The following AIDA variants were observed in gnomAD, a reference collection of about 807,000 sequenced individuals.
AIDA encodes the protein axin interactor, dorsalization associated.
AIDA carries 18 observed loss-of-function variants against 42.7 expected under a neutral mutation model. That is an observed-to-expected ratio of 0.42 (90% confidence interval 0.29 to 0.63). The LOEUF is 0.63. AIDA is among the 20% of genes least tolerant of loss of function. The pLI is 0.19. For missense variants in AIDA, 250 were observed against 354.1 expected, an observed-to-expected ratio of 0.71 and a Z score of 2.36; for synonymous variants, 104 against 122.9, an observed-to-expected ratio of 0.85 and a Z score of 1.02.
intron 1 of AIDA, among the ~76,000 whole-genome samples, chr1:222,707,632 C>T (rs1055908554): frequency 3.3e-5 from 5 of 151,912 alleles, no homozygotes; most frequent in African/African-American, 1.2e-4. Flanking sequence ...TGAAATAAAC[C>T]TGTCAAATAT....
At chr1:222,701,799 C>G (rs912651630) in intron 2 of AIDA, among the ~76,000 whole-genome samples, 1 of 152,210 alleles carries the variant, frequency 6.6e-6, no homozygotes, top group Non-Finnish European at 1.5e-5. Context: ...TCTCAGCTCA[C>G]TGCAACCTCT....
chr1:222,676,789 G>A (rs1664551295), intron 6 of AIDA, among the ~76,000 whole-genome samples: 1 of 151,796 alleles, frequency 6.6e-6, no homozygotes, highest in African/African-American at 2.4e-5. Context: ...CCGAGTACCA[G>A]GGACTACAGG....
At position 222,669,629 on chromosome 1, in the gene AIDA, A is replaced by C; in HGVS notation, c.*264T>G. 1 of 350,512 alleles carries C rather than the reference A, an allele frequency of 2.9e-6. No individual in the cohort carries two copies. 21.7% of individuals were successfully genotyped at this position (350,512 alleles called of 1,614,324 possible). On this transcript the variant is annotated 3_prime_UTR_variant, in exon 10 of 10. Transcript: ENST00000340020. ...TAGGAGTAGTGGTAAATTAGAAAAT[A>C]GACTATTAATTGCACAATTAATAGA...
intron 1 of AIDA, among the ~76,000 whole-genome samples, chr1:222,706,242 A>G (rs986643726): frequency 1.3e-5 from 2 of 152,210 alleles, no homozygotes; most frequent in African/African-American, 4.8e-5. Context: ...TGATACACCC[A>G]GTTTGGAGAA....
intron 6 of AIDA, among the ~76,000 whole-genome samples, chr1:222,686,478 T>C (rs376749679): frequency 2.6e-5 from 4 of 152,328 alleles, no homozygotes; most frequent in African/African-American, 9.6e-5. Flanking sequence ...CTAAAGAGCT[T>C]CTCTAGTAGA....
rs376034063 is a variant in AIDA at position 222,703,186 on chromosome 1, C to G, written c.142G>C (p.Ala48Pro). ...GTGAATTCAGAATTATTGTGTTGAG[C>G]TTGGGCCTCCTTTTGTAGATGTCTT... ...LARHLQKEAQ[A>P]QHNNSEFTEE... The change falls in exon 2 of 10, where the codon GCT becomes CCT. Residue 48 changes from alanine to proline, a missense_variant. By Grantham distance (27) the Ala-to-Pro change is conservative. This residue lies in a region of AIDA where 199 missense variants were observed against 232.6 expected (regional missense o/e 0.86). Transcript: ENST00000340020. 1.6e-5 allele frequency: 26 copies of G among 1,609,686 alleles called. No homozygotes were observed. Among genetic ancestry groups the G allele is most frequent in the Non-Finnish European group, 2.0e-5 (24 of 1,178,640 alleles).
At position 222,673,479 on chromosome 1, in the gene AIDA, A is replaced by C. The variant is rs747900573; in HGVS notation, c.584-44T>G. ...TCTCTTTAGGAACATTCAAATATAC[A>C]GACTTAAAAACTGCAGGCCAGGCAC... On this transcript the variant is annotated intron_variant, in intron 7 of 9. Transcript: ENST00000340020. The C allele has an allele frequency of 1.0e-5, 15 of 1,495,318 alleles. 1 individual carries two copies. In the South Asian group the frequency reaches 2.0e-4, roughly 20 times the overall value. 92.6% of individuals were successfully genotyped at this position (1,495,318 alleles called of 1,614,324 possible).
intron 6 of AIDA, among the ~76,000 whole-genome samples, chr1:222,679,070 T>C (rs1664606675): frequency 6.6e-6 from 1 of 152,242 alleles, no homozygotes. Flanking sequence ...TTTACAGTTC[T>C]AGAGGTTATT....
intron 8 of AIDA, among the ~76,000 whole-genome samples, chr1:222,670,522 G>A (rs969210086): frequency 7.2e-5 from 11 of 152,094 alleles, no homozygotes; most frequent in African/African-American, 2.4e-4. Context: ...ATGTATAACA[G>A]TTATGTACAC....
At chr1:222,684,434 T>C (rs1664706662) in intron 6 of AIDA, among the ~76,000 whole-genome samples, 1 of 152,110 alleles carries the variant, frequency 6.6e-6, no homozygotes, top group Non-Finnish European at 1.5e-5. Flanking sequence ...CATATGTAAA[T>C]ATCCTAGTAA....
At chr1:222,693,765 A>T (rs962003488) in intron 4 of AIDA, 24 bp downstream of exon 4, 1 of 1,572,226 alleles carries the variant, frequency 6.4e-7, no homozygotes, top group Admixed American at 1.7e-5. Context: ...GGAGTATCAC[A>T]AAAAAATATA....
At position 222,686,643 on chromosome 1, in the gene AIDA, T is replaced by C. The variant is rs371226989; in HGVS notation, c.460+287A>G. On this transcript the variant is annotated intron_variant, in intron 6 of 9. Coordinates refer to ENST00000340020, the MANE Select transcript of AIDA (RefSeq NM_022831.4). ...TTTCTGTTTGCTGATTTTGTTCTTGTGTTCTCTTGTAATGAATCCTAGCTA... is the reference window on the plus strand; with the variant it reads ...TTTCTGTTTGCTGATTTTGTTCTTGCGTTCTCTTGTAATGAATCCTAGCTA... Among the ~76,000 whole-genome samples the C allele has an allele frequency of 8.5e-5, 13 of 152,272 alleles. No individual in the cohort carries two copies. The East Asian group carries it at 9.7e-4, about 11-fold the overall frequency.
Position 222,694,577 on chromosome 1 carries a change from C to T in AIDA, c.181-314G>A, listed in dbSNP as rs80287576. On this transcript the variant is annotated intron_variant, in intron 2 of 9. Coordinates refer to ENST00000340020, the MANE Select transcript of AIDA (RefSeq NM_022831.4). ...TCTTCTGTTCCAAGCTTCACCTTTT[C>T]TTCTCCATAAAGCCTAAAATTCACC... Among the ~76,000 whole-genome samples, 225 of 152,282 alleles carry T rather than the reference C, an allele frequency of 1.5e-3. 6 individuals are homozygous for T. In the South Asian group the frequency reaches 0.021, roughly 14 times the overall value.
Position 222,702,719 on chromosome 1 carries a change from T to C in AIDA, c.180+429A>G, listed in dbSNP as rs143732199. ...TGTATTTGTTTGTTCTGAGAGAAGG[T>C]AGACAGGAGTTAGGAAAGTTCAGAA... On this transcript the variant is annotated intron_variant, in intron 2 of 9. Coordinates refer to ENST00000340020, the MANE Select transcript of AIDA (RefSeq NM_022831.4). Among the ~76,000 whole-genome samples the C allele has an allele frequency of 3.2e-3, 486 of 152,358 alleles. 5 individuals are homozygous for C. The highest frequency in any genetic ancestry group is 0.023 in the East Asian group (117 of 5,192).
In AIDA at chr1:222,703,187, T is replaced by C; in HGVS notation, c.141A>G (p.Gln47=). The stretch of plus-strand genomic sequence containing the variant: ...TGAATTCAGAATTATTGTGTTGAGC[T>C]TGGGCCTCCTTTTGTAGATGTCTTG... The part of the protein sequence containing the change: ...ILARHLQKEA[Q]AQHNNSEFTE... The change falls in exon 2 of 10, where the codon CAA becomes CAG. Residue 47 remains glutamine (Q), a synonymous_variant. Transcript: ENST00000340020. 6.2e-7 allele frequency: 1 copy of C among 1,610,560 alleles called. No homozygotes were observed. Among genetic ancestry groups the C allele is most frequent in the South Asian group, 1.1e-5 (1 of 90,004 alleles).
intron 1 of AIDA, among the ~76,000 whole-genome samples, chr1:222,707,016 G>C (rs1655856718): frequency 6.6e-6 from 1 of 152,110 alleles, no homozygotes. Context: ...TAGGTGTCTT[G>C]TGGGGGTGAT....
intron 4 of AIDA, among the ~76,000 whole-genome samples, chr1:222,689,520 T>TATATAA: frequency 1.7e-5 from 1 of 58,112 alleles, no homozygotes; most frequent in Non-Finnish European, 3.8e-5. Context: ...TATATATATA[T>TATATAA]ACACACATAC....
At chr1:222,681,554 T>C (rs1187209566) in intron 6 of AIDA, among the ~76,000 whole-genome samples, 1 of 152,082 alleles carries the variant, frequency 6.6e-6, no homozygotes, top group Non-Finnish European at 1.5e-5. Context: ...TCGAAGCTAC[T>C]TGGGAGGCTG....
chr1:222,687,697 A>T, intron 4 of AIDA, 39 bp from the exon 5 acceptor site: 3 of 1,344,840 alleles, frequency 2.2e-6, no homozygotes, highest in Non-Finnish European at 3.0e-6. Context: ...TTCTTCCATG[A>T]AGCAAAATCA....
Sources: gnomAD v4.1 joint callset for allele counts (sites outside exome capture counted in the v4.1 genomes callset) on GRCh38, gnomAD v4.1.1 for gene constraint, gnomAD v4.1.1 regional missense constraint, MANE v1.5 for transcripts, NCBI Gene and HGNC (gene_info 2026-07-23, HGNC 2026-07-21) for gene names.